The following CERCAM variants were observed in gnomAD, a reference collection of about 807,000 sequenced individuals.
The protein encoded by CERCAM is cerebral endothelial cell adhesion molecule, also known as inactive glycosyltransferase 25 family member 3.
Under a neutral mutation model 66.0 loss-of-function variants are expected in CERCAM, and 59 were observed. The ratio of observed to expected loss-of-function variants is 0.89; its 90% CI spans 0.73 to 1.11. The LOEUF (loss-of-function observed/expected upper bound fraction) is 1.11. Ranked by LOEUF, CERCAM falls within the 50% of genes most tolerant of loss-of-function variation. The probability of loss-of-function intolerance (pLI) is 0.00; values close to 1 mark genes in which losing one functional copy is unlikely to be tolerated. For missense variants in CERCAM, 840 were observed against 828.3 expected (o/e 1.01, Z -0.17); for synonymous variants, 318 against 343.6 (o/e 0.93, Z 0.83).
At chr9:128,420,695 C>A (rs76481412), upstream of CERCAM, 206 of 244,216 alleles carry the variant, frequency 8.4e-4, 3 homozygotes, top group East Asian at 0.017. The surrounding 1 kb of genome is among the most constrained non-coding windows in gnomAD (Gnocchi z 5.0). Flanking sequence ...TCCGGTGCCC[C>A]GGGCCAAGGA....
rs768072694 is a variant in CERCAM, at chr9:128,424,163, C to T, written c.452C>T (p.Thr151Ile). ...TTTGCAGACACAGACAACATTCTGA[C>T]CAACAATCAGACTCTGCGGCTTCTC... ...ILFADTDNILTNNQTLRLLMG... is the reference protein window; with the variant it reads ...ILFADTDNILINNQTLRLLMG... The change falls in exon 4 of 13, where the codon ACC becomes ATC. Residue 151 changes from threonine to isoleucine, a missense_variant. Thr to Ile is a moderately conservative substitution (Grantham distance 89). Transcript: ENST00000372838. 7.4e-6 allele frequency: 12 copies of T among 1,614,106 alleles called. No homozygotes were observed. The South Asian group carries it at 1.3e-4, about 18-fold the overall frequency.
chr9:128,423,650 T>C (rs933529039), intron 3 of CERCAM, among the ~76,000 whole-genome samples: 1 of 149,874 alleles, frequency 6.7e-6, no homozygotes, highest in Non-Finnish European at 1.5e-5. Flanking sequence ...GAAATCTGAA[T>C]GTGACTGACC....
intron 1 of CERCAM, chr9:128,421,532 T>G: frequency 1.0e-6 from 1 of 986,940 alleles, no homozygotes; most frequent in Non-Finnish European, 1.2e-6. Context: ...CCATCAGCAC[T>G]GGGCTCCGGG....
intron 5 of CERCAM, among the ~76,000 whole-genome samples, chr9:128,426,810 G>T (rs1236298597): frequency 6.6e-6 from 1 of 152,214 alleles, no homozygotes; most frequent in African/African-American, 2.4e-5. Flanking sequence ...ATCAGTGGCA[G>T]CCGGTAAGGA....
At position 128,424,254 on chromosome 9, in the gene CERCAM, G is replaced by C. The variant is rs1010532309; in HGVS notation, c.543G>C (p.Trp181Cys). The change falls in exon 4 of 13, where the codon TGG (tryptophan) becomes TGC (cysteine). Residue 181 changes from tryptophan (W) to cysteine (C), a missense_variant. Physicochemically the swap from Trp to Cys is radical, Grantham distance 215. Transcript: ENST00000372838. The part of the protein sequence containing the change: ...LDSQTYYSNF[W>C]CGITPQGYYR... ...CCCAGACCTACTACTCCAACTTCTG[G>C]TGTGGGATCACCCCCCAGGTGAGGC... is the stretch of plus-strand genomic sequence containing the variant. The C allele has an allele frequency of 1.2e-6, 2 of 1,614,028 alleles. No homozygotes were observed. The highest frequency in any genetic ancestry group is 1.7e-6 in the Non-Finnish European group (2 of 1,180,034).
rs779472962 is a variant in CERCAM at position 128,431,237 on chromosome 9, C to T, written c.1137C>T (p.Tyr379=). The T allele has an allele frequency of 2.5e-6, 4 of 1,613,972 alleles. No homozygotes were observed. The highest frequency in any genetic ancestry group is 1.7e-5 in the Admixed American group (1 of 59,990). The change falls in exon 9 of 13, where the codon TAC becomes TAT. Residue 379 remains tyrosine (Y), a synonymous_variant. Transcript: ENST00000372838. ...TGCTCCCGGGCTACCAGGACCCTTACTCGGGCCGCACTCTGACCAAGGGCG... is the reference window on the plus strand; with the variant it reads ...TGCTCCCGGGCTACCAGGACCCTTATTCGGGCCGCACTCTGACCAAGGGCG... ...VDLLPGYQDP[Y]SGRTLTKGEV...
rs753638794 is a variant in CERCAM at position 128,434,609 on chromosome 9, C to T, written c.1531C>T (p.Pro511Ser). 1 of 1,593,222 alleles carries T rather than the reference C, an allele frequency of 6.3e-7. No individual in the cohort carries two copies. The highest frequency in any genetic ancestry group is 8.5e-7 in the Non-Finnish European group (1 of 1,177,948). Reference sequence around the variant, plus strand: ...CCTGCCCATCATGTTCGACCAGCACCCCAAGTGAGGCTCTGATGGGGGCCG... The same window carrying T: ...CCTGCCCATCATGTTCGACCAGCACTCCAAGTGAGGCTCTGATGGGGGCCG... ...EFLPIMFDQH[P>S]NEQYKAHFWP... is the part of the protein sequence containing the mutation. The change falls in exon 11 of 13, where the codon CCC becomes TCC. Residue 511 changes from proline (P) to serine (S), a missense_variant. Pro to Ser is a moderately conservative substitution (Grantham distance 74). Coordinates refer to ENST00000372838, the MANE Select transcript of CERCAM (RefSeq NM_016174.5). This position sits in a 1 kb window ranked among gnomAD's most constrained non-coding sequence, Gnocchi z 4.5.
intron 3 of CERCAM, among the ~76,000 whole-genome samples, 173 bp downstream of exon 3, chr9:128,423,436 G>GT (rs750267516): frequency 2.6e-5 from 4 of 152,120 alleles, no homozygotes; most frequent in Admixed American, 6.6e-5. Flanking sequence ...GGCCAACATG[G>GT]TGATACCCCA....
chr9:128,419,759 G>C (rs1468369726), upstream of CERCAM: 1 of 152,244 alleles, frequency 6.6e-6, no homozygotes, highest in African/African-American at 2.4e-5. Context: ...TGCTCCAGGG[G>C]AGCCAACATC....
chr9:128,428,912 C>T lies in CERCAM; in HGVS notation c.964-18C>T, dbSNP rs185223358. 18 of 1,603,110 alleles carry T rather than the reference C, an allele frequency of 1.1e-5. No individual in the cohort carries two copies. The highest frequency in any genetic ancestry group is 1.4e-5 in the Non-Finnish European group (17 of 1,173,312). On this transcript the variant is annotated intron_variant, in intron 7 of 12. Transcript: ENST00000372838. ...TCCGCTCCCTTGCACTTACCGCCCA[C>T]CCCCCTGCCTCCTCCAGGTCTTTGT...
At chr9:128,421,833 T>TG (rs1445206598) in intron 1 of CERCAM, 1 of 152,300 alleles carries the variant, frequency 6.6e-6, no homozygotes, top group African/African-American at 2.4e-5. Context: ...GGTGGAGCCC[T>TG]GGCCTGGGGA....
rs780407630 is a variant in CERCAM at position 128,424,264 on chromosome 9, AC to A, written c.559del (p.Gln187ArgfsTer84). 3 of 1,613,754 alleles carry A rather than the reference AC, an allele frequency of 1.9e-6. No homozygotes were observed. Among genetic ancestry groups the A allele is most frequent in the Non-Finnish European group, 2.5e-6 (3 of 1,179,926 alleles). ...CTACTCCAACTTCTGGTGTGGGATC[AC>A]CCCCCAGGTGAGGCCGGGATGGGGG... ...TYYSNFWCGI[T>X]PQGYYRRTAE... On this transcript the variant is annotated frameshift_variant, in exon 4 of 13. Coordinates refer to ENST00000372838, the MANE Select transcript of CERCAM (RefSeq NM_016174.5). LOFTEE classifies it high-confidence loss of function.
Position 128,422,993 on chromosome 9 carries a change from G to T in CERCAM, c.308+15G>T. On this transcript the variant is annotated intron_variant, in intron 2 of 12. Transcript: ENST00000372838. ...GGCGAGCCCAGGTGGTGATCTGAGGGGAAGGGTGCTGGGGAAGATGGAGAA... is the reference window on the plus strand; with the variant it reads ...GGCGAGCCCAGGTGGTGATCTGAGGTGAAGGGTGCTGGGGAAGATGGAGAA... 1.2e-6 allele frequency: 2 copies of T among 1,613,618 alleles called. No individual in the cohort carries two copies. The highest frequency in any genetic ancestry group is 1.7e-6 in the Non-Finnish European group (2 of 1,179,990).
chr9:128,429,482 G>A (rs1463539855), intron 8 of CERCAM, among the ~76,000 whole-genome samples: 3 of 152,176 alleles, frequency 2.0e-5, no homozygotes, highest in African/African-American at 4.8e-5. Context: ...CTACTGATGC[G>A]TGGGGATTAG....
At position 128,433,273 on chromosome 9, in the gene CERCAM, C is replaced by G. The variant is rs538358861; in HGVS notation, c.1204-829C>G. 3.1e-5 allele frequency among the ~76,000 whole-genome samples: 4 copies of G among 128,016 alleles called. No individual in the cohort carries two copies. In the East Asian group the frequency reaches 6.9e-4, roughly 22 times the overall value. The allele number at this position is 128,016 out of a possible 152,430, so 84.0% of individuals were successfully genotyped here. On this transcript the variant is annotated intron_variant, in intron 9 of 12. Coordinates refer to ENST00000372838, the MANE Select transcript of CERCAM (RefSeq NM_016174.5). ...CAGCCCGGGCGACAGAGCAAAACTC[C>G]GTCTCAAAAAAAAAAAAAAAAAAAA... is the stretch of plus-strand genomic sequence containing the variant.
At chr9:128,428,448 A>G in intron 6 of CERCAM, 27 bp downstream of exon 6, 3 of 1,612,278 alleles carry the variant, frequency 1.9e-6, no homozygotes, top group Non-Finnish European at 2.5e-6. Flanking sequence ...TGTTCCACCC[A>G]CCTGCTGCCG....
Position 128,434,039 on chromosome 9 carries a change from G to T in CERCAM, c.1204-63G>T, listed in dbSNP as rs774750897. On this transcript the variant is annotated intron_variant, in intron 9 of 12. Transcript: ENST00000372838. This position sits in a 1 kb window ranked among gnomAD's most constrained non-coding sequence, Gnocchi z 4.5. ...GGCCAGGCAGAGGCTGTGAGCTTCA[G>T]CGTGGAGGGAGGGGGGTTGTTTAAC... 2 of 1,589,436 alleles carry T rather than the reference G, an allele frequency of 1.3e-6. No homozygotes were observed. Among genetic ancestry groups the T allele is most frequent in the Admixed American group, 1.7e-5 (1 of 58,700 alleles).
At position 128,423,191 on chromosome 9, in the gene CERCAM, G is replaced by T. The variant is rs758715331; in HGVS notation, c.354G>T (p.Arg118Ser). 4.3e-6 allele frequency: 7 copies of T among 1,614,106 alleles called. No homozygotes were observed. Among genetic ancestry groups the T allele is most frequent in the Middle Eastern group, 1.6e-4 (1 of 6,062 alleles). Reference sequence around the variant, plus strand: ...GTCCCAAGCACTGGACCAAAGAAAGGCACCAGTTTCTGATGGAGCTGAAGC... The same window carrying T: ...GTCCCAAGCACTGGACCAAAGAAAGTCACCAGTTTCTGATGGAGCTGAAGC... ...EEGPKHWTKE[R>S]HQFLMELKQE... The change falls in exon 3 of 13, where the codon AGG (arginine) becomes AGT (serine). Residue 118 changes from arginine (R) to serine (S), a missense_variant. Physicochemically the swap from Arg to Ser is moderately radical, Grantham distance 110. Coordinates refer to ENST00000372838, the MANE Select transcript of CERCAM (RefSeq NM_016174.5).
intron 5 of CERCAM, among the ~76,000 whole-genome samples, chr9:128,425,913 C>T (rs1453158237): frequency 6.6e-6 from 1 of 150,994 alleles, no homozygotes; most frequent in Non-Finnish European, 1.5e-5. Context: ...TGTTGACCTC[C>T]CCCACCTCAG....
Sources: allele counts gnomAD v4.1 joint callset (sites outside exome capture counted in the v4.1 genomes callset), GRCh38; gene constraint gnomAD v4.1.1; non-coding constraint Gnocchi (gnomAD v3.1); transcripts MANE v1.5; gene names NCBI Gene and HGNC (gene_info 2026-07-23, HGNC 2026-07-21).